DNMT1: variants seen among roughly 807,000 people sequenced by gnomAD.
DNMT1 encodes DNA methyltransferase 1.
In DNMT1, 24 loss-of-function variants were observed where a neutral mutation model predicts 205.3. The ratio of observed to expected loss-of-function variants is 0.12; its 90% CI spans 0.08 to 0.16. The LOEUF (loss-of-function observed/expected upper bound fraction) is 0.16. Ranked by LOEUF, DNMT1 falls within the 10% of genes least tolerant of loss-of-function variation. DNMT1 has a pLI of 1.00. For missense variants in DNMT1, 1,293 were observed against 2,177.7 expected, an observed-to-expected ratio of 0.59 and a Z score of 8.09; for synonymous variants, 817 against 839.8, an observed-to-expected ratio of 0.97 and a Z score of 0.47.
intron 17 of DNMT1, among the ~76,000 whole-genome samples, chr19:10,158,940 T>C (rs945688539): frequency 1.6e-4 from 24 of 152,162 alleles, no homozygotes. Flanking sequence ...TTCACAGAAC[T>C]TCCTCCTCCC....
At chr19:10,180,722 C>A in intron 3 of DNMT1, 56 bp downstream of exon 3, 2 of 1,561,656 alleles carry the variant, frequency 1.3e-6, no homozygotes, top group Non-Finnish European at 8.8e-7. Flanking sequence ...TGGTCACAGA[C>A]AAGTTACTAG....
At position 10,137,725 on chromosome 19, in the gene DNMT1, C is replaced by A; in HGVS notation, c.4293+107G>T. 1.4e-6 allele frequency: 2 copies of A among 1,454,346 alleles called. No individual in the cohort carries two copies. Among genetic ancestry groups the A allele is most frequent in the Non-Finnish European group, 1.9e-6 (2 of 1,062,262 alleles). 90.1% of individuals were successfully genotyped at this position (1,454,346 alleles called of 1,614,324 possible). On this transcript the variant is annotated intron_variant, in intron 36 of 40. Coordinates refer to ENST00000359526, the MANE Select transcript of DNMT1 (RefSeq NM_001130823.3). The surrounding 1 kb of genome is among the most constrained non-coding windows in gnomAD (Gnocchi z 6.4). The stretch of plus-strand genomic sequence containing the variant: ...AGGCTGAGGACTCGGGAGGAGGAGC[C>A]TGGGATCAGATTCCATGTCTCCCCT...
chr19:10,192,009 A>C (rs973782889), intron 1 of DNMT1, among the ~76,000 whole-genome samples: 1 of 151,902 alleles, frequency 6.6e-6, no homozygotes, highest in Non-Finnish European at 1.5e-5. Flanking sequence ...TTTTTAGTAG[A>C]GATGGGGTTT....
chr19:10,145,749 G>C (rs546533192), intron 28 of DNMT1, among the ~76,000 whole-genome samples: 10 of 152,380 alleles, frequency 6.6e-5, no homozygotes, highest in South Asian at 2.1e-4. Context: ...AGGGGACGGA[G>C]AGGAGGTGTC....
intron 11 of DNMT1, among the ~76,000 whole-genome samples, chr19:10,166,103 T>C (rs779401858): frequency 2.0e-5 from 3 of 152,122 alleles, no homozygotes; most frequent in Admixed American, 6.6e-5. Context: ...GCAGGCAACC[T>C]GGCCATCCTG....
Position 10,151,571 on chromosome 19 carries a change from G to A in DNMT1, c.2118-26C>T. The A allele has an allele frequency of 6.2e-7, 1 of 1,608,690 alleles. No individual in the cohort carries two copies. Among genetic ancestry groups the A allele is most frequent in the African/African-American group, 1.3e-5 (1 of 75,022 alleles). On this transcript the variant is annotated intron_variant, in intron 23 of 40. Coordinates refer to ENST00000359526, the MANE Select transcript of DNMT1 (RefSeq NM_001130823.3). This position sits in a 1 kb window ranked among gnomAD's most constrained non-coding sequence, Gnocchi z 5.0. The stretch of plus-strand genomic sequence containing the variant: ...CTGCAATGTCACTGGTTATACCTAA[G>A]GCCCCTTTTCTAAGTAAGACCAACC...
At chr19:10,183,212 T>C (rs993063917) in intron 1 of DNMT1, among the ~76,000 whole-genome samples, 5 of 150,808 alleles carry the variant, frequency 3.3e-5, no homozygotes, top group African/African-American at 9.8e-5. Context: ...GACTCCCAGG[T>C]TCAAGCGATT....
At chr19:10,136,868 C>T (rs1031948335) in intron 37 of DNMT1, among the ~76,000 whole-genome samples, 14 of 152,012 alleles carry the variant, frequency 9.2e-5, no homozygotes, top group African/African-American at 3.4e-4. Flanking sequence ...CTCAAGTGAT[C>T]CTCCCGCCTT....
chr19:10,184,789 G>T (rs762943695), intron 1 of DNMT1, among the ~76,000 whole-genome samples: 2 of 152,232 alleles, frequency 1.3e-5, no homozygotes, highest in Non-Finnish European at 2.9e-5. Flanking sequence ...TGTTGGTGGA[G>T]AGAAGGTGCC....
Position 10,172,947 on chromosome 19 carries a change from C to CA in DNMT1, c.768+142dup. 2.3e-5 allele frequency: 22 copies of CA among 957,404 alleles called. No individual in the cohort carries two copies. In the South Asian group the frequency reaches 2.9e-4, roughly 13 times the overall value. 59.3% of individuals were successfully genotyped at this position (957,404 alleles called of 1,614,324 possible). ...AAAACAAGTTTGAAAGGTGTTTAGC[C>CA]AAAGTCAAAGGCATTTCGATCACTA... On this transcript the variant is annotated intron_variant, in intron 9 of 40. Transcript: ENST00000359526.
At chr19:10,142,555 C>T (rs1223714596) in intron 29 of DNMT1, among the ~76,000 whole-genome samples, 1 of 150,768 alleles carries the variant, frequency 6.6e-6, no homozygotes, top group Non-Finnish European at 1.5e-5. Flanking sequence ...AAAGATATCC[C>T]CTCCTCACAT....
In DNMT1 at chr19:10,148,968, T is replaced by C; in HGVS notation, c.2636A>G (p.Tyr879Cys). ...SLLEGDDGKTYFYQLWYDQDY... is the reference protein window; with the variant it reads ...SLLEGDDGKTCFYQLWYDQDY... ...TTGATCATACCACAGCTGGTAGAAG[T>C]AGGTCTTCCCGTCGTCCCCCTCCAG... Residue 879 changes from tyrosine to cysteine, a missense_variant, in exon 27 of 41, where the codon TAC (tyrosine) becomes TGC (cysteine). Tyr to Cys is a radical substitution (Grantham distance 194). This residue lies in a region of DNMT1 where 112 missense variants were observed against 116.6 expected (regional missense o/e 0.96). Transcript: ENST00000359526. 4 of 1,614,124 alleles carry C rather than the reference T, an allele frequency of 2.5e-6. No individual in the cohort carries two copies. The highest frequency in any genetic ancestry group is 3.4e-6 in the Non-Finnish European group (4 of 1,180,012).
Position 10,133,378 on chromosome 19 carries a change from T to C in DNMT1, c.*289A>G, listed in dbSNP as rs1449233460. 2.0e-6 allele frequency: 1 copy of C among 498,576 alleles called. No homozygotes were observed. Among genetic ancestry groups the C allele is most frequent in the Non-Finnish European group, 3.6e-6 (1 of 277,840 alleles). The allele number at this position is 498,576 out of a possible 1,614,324, so 30.9% of individuals were successfully genotyped here. A position where few individuals can be genotyped will look rare whatever the true frequency, so the allele number is the denominator to read the frequency against. ...TAGGAGAGATTTATTTGAAGAAATA[T>C]TACAACATATAAAAACTACATAAAG... On this transcript the variant is annotated 3_prime_UTR_variant, in exon 41 of 41. Coordinates refer to ENST00000359526, the MANE Select transcript of DNMT1 (RefSeq NM_001130823.3). This position sits in a 1 kb window ranked among gnomAD's most constrained non-coding sequence, Gnocchi z 4.1.
intron 1 of DNMT1, among the ~76,000 whole-genome samples, chr19:10,187,635 C>T (rs78051786): frequency 6.7e-6 from 1 of 149,778 alleles, no homozygotes; most frequent in Non-Finnish European, 1.5e-5. Context: ...CTCAGGAGGC[C>T]GAGGCGGAAG....
At chr19:10,170,426 G>A (rs1361528905) in intron 9 of DNMT1, among the ~76,000 whole-genome samples, 1 of 152,138 alleles carries the variant, frequency 6.6e-6, no homozygotes, top group Non-Finnish European at 1.5e-5. Context: ...ATCACCTGGG[G>A]TCAGGAGTTC....
intron 9 of DNMT1, among the ~76,000 whole-genome samples, chr19:10,170,577 A>G (rs1294509468): frequency 6.6e-6 from 1 of 151,496 alleles, no homozygotes; most frequent in African/African-American, 2.4e-5. Context: ...CGCAGGAGAC[A>G]GAGGTTGCAG....
chr19:10,172,562 T>C (rs1462673722), intron 9 of DNMT1, among the ~76,000 whole-genome samples: 1 of 152,190 alleles, frequency 6.6e-6, no homozygotes, highest in East Asian at 1.9e-4. Context: ...TGGTGGCTCA[T>C]GCCTGTAATC....
intron 6 of DNMT1, among the ~76,000 whole-genome samples, chr19:10,176,981 G>T (rs564783259): frequency 1.3e-5 from 2 of 152,220 alleles, no homozygotes; most frequent in East Asian, 3.9e-4. Context: ...TAATCCAGGT[G>T]GGGCAGGGAC....
rs760372702 is a variant in DNMT1 at position 10,139,709 on chromosome 19, G to A, written c.3915C>T (p.Arg1305=). ...VLKLTLRCLV[R]MGYQCTFGVL... is the part of the protein sequence containing the mutation. ...CGCCGAAGGTGCACTGATAGCCCAT[G>A]CGGACCAGGCAGCGGAGGGTGAGCT... The change falls in exon 34 of 41, where the codon CGC becomes CGT. Residue 1305 remains arginine, a synonymous_variant. Coordinates refer to ENST00000359526, the MANE Select transcript of DNMT1 (RefSeq NM_001130823.3). 6.2e-7 allele frequency: 1 copy of A among 1,613,644 alleles called. No individual in the cohort carries two copies. Among genetic ancestry groups the A allele is most frequent in the Non-Finnish European group, 8.5e-7 (1 of 1,180,002 alleles).
Sources: gnomAD v4.1 joint callset for allele counts (sites outside exome capture counted in the v4.1 genomes callset) on GRCh38, gnomAD v4.1.1 for gene constraint, gnomAD v4.1.1 regional missense constraint, Gnocchi (gnomAD v3.1) non-coding constraint, MANE v1.5 for transcripts, NCBI Gene and HGNC (gene_info 2026-07-23, HGNC 2026-07-21) for gene names.